Variants in ANK3 observed in about 807,000 individuals in gnomAD.
ANK3 encodes ankyrin 3.
In ANK3, 57 loss-of-function variants were observed where a neutral mutation model predicts 370.9. The observed-to-expected ratio is 0.15, with a 90% CI of 0.12 to 0.19. The LOEUF (loss-of-function observed/expected upper bound fraction) is 0.19, where lower values mean the gene tolerates loss of function less well. ANK3 is among the 10% of genes least tolerant of loss of function. The pLI is 1.00. For synonymous variants in ANK3, 1,929 were observed against 1,946.3 expected (o/e 0.99, Z 0.23); for missense variants, 4,439 against 5,302.1 (o/e 0.84, Z 5.06).
At chr10:60,413,831 C>CA (rs1357662798) in intron 2 of ANK3, among the ~76,000 whole-genome samples, 3 of 151,844 alleles carry the variant, frequency 2.0e-5, no homozygotes, top group Admixed American at 6.6e-5. Flanking sequence ...CCTATCTCTA[C>CA]AAAAAAATGA....
intron 8 of ANK3, among the ~76,000 whole-genome samples, chr10:60,227,023 T>C (rs1202129489): frequency 6.6e-6 from 1 of 151,836 alleles, no homozygotes; most frequent in African/African-American, 2.4e-5. Flanking sequence ...GATCCAGTTT[T>C]CTTTTTGGTA....
At chr10:60,463,047 G>C (rs1181928332) in intron 2 of ANK3, among the ~76,000 whole-genome samples, 1 of 152,014 alleles carries the variant, frequency 6.6e-6, no homozygotes, top group Admixed American at 6.5e-5. Flanking sequence ...GGGACTACAG[G>C]CTTGTGCCAC....
intron 2 of ANK3, among the ~76,000 whole-genome samples, chr10:60,561,475 A>G (rs879628251): frequency 1.3e-5 from 2 of 152,198 alleles, no homozygotes; most frequent in Non-Finnish European, 2.9e-5. Flanking sequence ...AGGAAAGTGG[A>G]AAGTAAAATA....
chr10:60,224,151 T>C (rs1412540576), intron 8 of ANK3, among the ~76,000 whole-genome samples: 3 of 152,080 alleles, frequency 2.0e-5, no homozygotes, highest in Admixed American at 1.3e-4. Flanking sequence ...AGGCAACATA[T>C]GCAGTTGGAC....
At chr10:60,156,933 C>A (rs141487805) in intron 23 of ANK3, among the ~76,000 whole-genome samples, 15 of 152,238 alleles carry the variant, frequency 9.9e-5, no homozygotes, top group African/African-American at 3.6e-4. Context: ...CATTACCTCA[C>A]CAAATGGACT....
At chr10:60,587,527 G>A (rs2077849295) in intron 2 of ANK3, among the ~76,000 whole-genome samples, 1 of 152,142 alleles carries the variant, frequency 6.6e-6, no homozygotes, top group African/African-American at 2.4e-5. Context: ...GAACATCTTG[G>A]CACTACAGAA....
intron 1 of ANK3, among the ~76,000 whole-genome samples, chr10:60,330,509 A>T (rs549002435): frequency 1.6e-4 from 25 of 152,334 alleles, no homozygotes; most frequent in African/African-American, 5.8e-4. Flanking sequence ...CGGCCAACAA[A>T]CATGAAAAAA....
intron 8 of ANK3, among the ~76,000 whole-genome samples, chr10:60,224,581 G>A (rs1477366497): frequency 2.6e-5 from 4 of 152,064 alleles, no homozygotes; most frequent in Non-Finnish European, 4.4e-5. Context: ...ACACAAATTC[G>A]TGGTTTGGGA....
chr10:60,453,954 T>C (rs1332970500), intron 2 of ANK3, among the ~76,000 whole-genome samples: 1 of 152,226 alleles, frequency 6.6e-6, no homozygotes, highest in Non-Finnish European at 1.5e-5. Flanking sequence ...TACAGCCAGA[T>C]GAAATATGAC....
chr10:60,507,435 A>G (rs537454892), intron 2 of ANK3: 98 of 152,202 alleles, frequency 6.4e-4, no homozygotes, highest in Non-Finnish European at 1.2e-3. Flanking sequence ...AGATTTCTAT[A>G]CATTTATCCC....
chr10:60,402,801 C>A (rs1442464438), intron 2 of ANK3, among the ~76,000 whole-genome samples: 1 of 152,180 alleles, frequency 6.6e-6, no homozygotes. Flanking sequence ...CATCACCTAG[C>A]AGACTGGCAG....
At chr10:60,052,375 G>A (rs2078239100) in intron 42 of ANK3, among the ~76,000 whole-genome samples, 2 of 152,052 alleles carry the variant, frequency 1.3e-5, no homozygotes, top group Non-Finnish European at 2.9e-5. Flanking sequence ...GCATATTTTG[G>A]CACATATATT....
At chr10:60,275,813 C>A (rs545805712) in intron 4 of ANK3, among the ~76,000 whole-genome samples, 3 of 152,120 alleles carry the variant, frequency 2.0e-5, no homozygotes, top group Non-Finnish European at 4.4e-5. Flanking sequence ...GACTTTGCTT[C>A]TTTATAAATT....
chr10:60,607,555 T>C lies in ANK3; in HGVS notation c.96+7631A>G, dbSNP rs78701627. On this transcript the variant is annotated intron_variant, in intron 2 of 43. Coordinates refer to the ANK3 transcript ENST00000373827. The stretch of plus-strand genomic sequence containing the variant: ...AGAAGGTTTTAGCATATGCTCTATC[T>C]ATATCATTTCCAAGTACCTATCAGC... Among the ~76,000 whole-genome samples the C allele has an allele frequency of 5.4e-3, 815 of 152,314 alleles. 7 individuals are homozygous for C. Among genetic ancestry groups the C allele is most frequent in the African/African-American group, 0.019 (784 of 41,560 alleles).
intron 25 of ANK3, among the ~76,000 whole-genome samples, chr10:60,118,789 T>A (rs1051804142): frequency 2.6e-5 from 4 of 152,192 alleles, no homozygotes; most frequent in African/African-American, 9.7e-5. Flanking sequence ...TCTTTGGTAA[T>A]TACAGTAAAT....
chr10:60,231,592 C>T (rs1013335345), intron 8 of ANK3, among the ~76,000 whole-genome samples: 1 of 152,154 alleles, frequency 6.6e-6, no homozygotes, highest in Admixed American at 6.5e-5. Flanking sequence ...AGGCTTGCCC[C>T]CATGGCTTTC....
At chr10:60,687,453 C>T (rs540372635) in intron 1 of ANK3, among the ~76,000 whole-genome samples, 54 of 152,000 alleles carry the variant, frequency 3.6e-4, no homozygotes, top group Non-Finnish European at 6.6e-4. Context: ...AAAAAATGCT[C>T]GACATCACTA....
chr10:60,261,568 A>C (rs1167262782), intron 7 of ANK3, among the ~76,000 whole-genome samples: 3 of 152,188 alleles, frequency 2.0e-5, no homozygotes, highest in Non-Finnish European at 4.4e-5. Context: ...TTAGGGAACT[A>C]TTTGTTGTCC....
At chr10:60,224,393 C>T (rs2097106244) in intron 8 of ANK3, among the ~76,000 whole-genome samples, 1 of 152,080 alleles carries the variant, frequency 6.6e-6, no homozygotes, top group Non-Finnish European at 1.5e-5. Flanking sequence ...ACGTTACTCG[C>T]CGGACAGAAT....
Sources: gnomAD v4.1 joint callset for allele counts (sites outside exome capture counted in the v4.1 genomes callset) on GRCh38, gnomAD v4.1.1 for gene constraint, MANE v1.5 for transcripts, NCBI Gene and HGNC (gene_info 2026-07-23, HGNC 2026-07-21) for gene names.